The following RECK variants were observed in gnomAD, a reference collection of about 807,000 sequenced individuals.
RECK encodes the protein reversion-inducing cysteine-rich protein with Kazal motifs.
Under a neutral mutation model 115.1 loss-of-function variants are expected in RECK, and 69 were observed. The ratio of observed to expected loss-of-function variants is 0.60; its 90% CI spans 0.49 to 0.73. RECK has a LOEUF of 0.73. Ranked by LOEUF, RECK falls within the 30% of genes least tolerant of loss-of-function variation. The pLI, the probability that RECK is intolerant of heterozygous loss-of-function variation, is 0.00. For missense variants in RECK, 1,047 were observed against 1,203.7 expected (o/e 0.87, Z 1.93); for synonymous variants, 414 against 419.7 (o/e 0.99, Z 0.17).
intron 1 of RECK, among the ~76,000 whole-genome samples, chr9:36,046,544 G>T (rs1175482684): frequency 6.6e-6 from 1 of 152,208 alleles, no homozygotes; most frequent in Non-Finnish European, 1.5e-5. Flanking sequence ...GAGGTCCCCT[G>T]TCCTGTTCGT....
intron 1 of RECK, among the ~76,000 whole-genome samples, chr9:36,040,793 A>G (rs1820838830): frequency 6.7e-6 from 1 of 148,698 alleles, no homozygotes; most frequent in African/African-American, 2.6e-5. Flanking sequence ...GGGAAGAAGG[A>G]ATTAAGGATT....
intron 7 of RECK, among the ~76,000 whole-genome samples, chr9:36,082,321 C>T (rs1248020263): frequency 6.6e-6 from 1 of 152,010 alleles, no homozygotes; most frequent in African/African-American, 2.4e-5. Flanking sequence ...GTAGTTGGGA[C>T]CACAGGCACA....
chr9:36,061,844 G>A (rs904655766), intron 4 of RECK, among the ~76,000 whole-genome samples: 1 of 152,138 alleles, frequency 6.6e-6, no homozygotes, highest in East Asian at 1.9e-4. Flanking sequence ...TATAATTGGG[G>A]TAGTTTATTA....
intron 16 of RECK, among the ~76,000 whole-genome samples, chr9:36,113,201 A>G (rs1824130950): frequency 6.6e-6 from 1 of 152,230 alleles, no homozygotes; most frequent in South Asian, 2.1e-4. Flanking sequence ...CTTAGGTTAC[A>G]GCCTTCTGGA....
At chr9:36,120,998 G>A (rs1026676253) in intron 19 of RECK, among the ~76,000 whole-genome samples, 19 of 152,212 alleles carry the variant, frequency 1.2e-4, no homozygotes, top group Non-Finnish European at 2.6e-4. Flanking sequence ...AAAGGCCCCT[G>A]CTGGCACAGT....
intron 9 of RECK, 70 bp downstream of exon 9, chr9:36,088,031 C>G (rs1823031743): frequency 8.7e-7 from 1 of 1,155,948 alleles, no homozygotes; most frequent in Non-Finnish European, 1.3e-6. Context: ...TTAAGCCTAG[C>G]AAACGTGTGT....
chr9:36,117,210 C>T (rs778073089), intron 17 of RECK, 33 bp downstream of exon 17: 2 of 1,528,872 alleles, frequency 1.3e-6, no homozygotes, highest in South Asian at 2.4e-5. Context: ...ACAAAGTACA[C>T]TACGGATAAA....
Position 36,100,400 on chromosome 9 carries a change from G to A in RECK, c.1155G>A (p.Trp385Ter), listed in dbSNP as rs1823515884. The change falls in exon 11 of 21, where the codon TGG (tryptophan) becomes TGA (stop). Residue 385 changes from tryptophan (W) to a stop codon, truncating the protein, a stop_gained. Coordinates refer to ENST00000377966, the MANE Select transcript of RECK (RefSeq NM_021111.3). LOFTEE classifies it high-confidence loss of function. The stretch of plus-strand genomic sequence containing the variant: ...GAGCCATGAATGACATGAAGTTGTG[G>A]GAGAAAGGAAGCATAAAGATGCCAT... ...DQGAMNDMKL[W>*]EKGSIKMPFI... is the part of the protein sequence containing the mutation. 6.2e-7 allele frequency: 1 copy of A among 1,614,114 alleles called. No homozygotes were observed. The highest frequency in any genetic ancestry group is 1.6e-4 in the Middle Eastern group (1 of 6,062).
In RECK at chr9:36,112,320, G is replaced by T. The variant is rs879046682; in HGVS notation, c.1904G>T (p.Cys635Phe). The stretch of plus-strand genomic sequence containing the variant: ...CTCTCCTCAGGTCTGCCCTGTAACT[G>T]TGCAGATCAGTTTGTCCCTGTATGT... Reference protein sequence around the residue: ...RRTFTGLPCNCADQFVPVCGQ... With the variant: ...RRTFTGLPCNFADQFVPVCGQ... Residue 635 changes from cysteine (C) to phenylalanine (F), a missense_variant, in exon 16 of 21, where the codon TGT becomes TTT. Transcript: ENST00000377966. 6.2e-7 allele frequency: 1 copy of T among 1,613,196 alleles called. No individual in the cohort carries two copies. Among genetic ancestry groups the T allele is most frequent in the South Asian group, 1.1e-5 (1 of 91,016 alleles).
chr9:36,055,488 T>C (rs978123312), intron 2 of RECK, among the ~76,000 whole-genome samples: 4 of 152,190 alleles, frequency 2.6e-5, no homozygotes, highest in Non-Finnish European at 5.9e-5. Flanking sequence ...ACTATACCCC[T>C]TTACATGCAT....
intron 6 of RECK, among the ~76,000 whole-genome samples, chr9:36,073,121 AC>A (rs1281323125): frequency 6.6e-6 from 1 of 151,746 alleles, no homozygotes; most frequent in Non-Finnish European, 1.5e-5. Flanking sequence ...AAACAATCAA[AC>A]CAAAATTGAT....
At chr9:36,091,488 G>T in intron 10 of RECK, 145 bp downstream of exon 10, 1 of 616,348 alleles carries the variant, frequency 1.6e-6, no homozygotes, top group South Asian at 3.4e-5. Flanking sequence ...TATTCCATCT[G>T]GTAAGCCACC....
At chr9:36,052,234 A>G (rs948988747) in intron 1 of RECK, 31 bp from the exon 2 acceptor site, 6 of 1,425,836 alleles carry the variant, frequency 4.2e-6, no homozygotes, top group Non-Finnish European at 5.9e-6. Context: ...TAACAGTGGA[A>G]CAACATTTGA....
At chr9:36,115,963 C>T (rs1484483508) in intron 16 of RECK, among the ~76,000 whole-genome samples, 1 of 152,212 alleles carries the variant, frequency 6.6e-6, no homozygotes, top group South Asian at 2.1e-4. Flanking sequence ...TCCCTAGCCC[C>T]TCTGAAGGAG....
chr9:36,107,464 G>A lies in RECK; in HGVS notation c.1577-512G>A, dbSNP rs574342756. ...TTAGCCGGGTACAAAAATTAGCTGG[G>A]TGTGGTGGCACACGCCTGTAGTCCC... On this transcript the variant is annotated intron_variant, in intron 13 of 20. Transcript: ENST00000377966. 4.6e-4 allele frequency among the ~76,000 whole-genome samples: 70 copies of A among 151,996 alleles called. 2 individuals are homozygous for A. The South Asian group carries it at 0.013, about 28-fold the overall frequency.
intron 9 of RECK, among the ~76,000 whole-genome samples, 168 bp downstream of exon 9, chr9:36,088,129 A>G (rs61240705): frequency 0.025 from 3,868 of 152,320 alleles, 170 homozygotes; most frequent in African/African-American, 0.087. Flanking sequence ...TGTGTACCGT[A>G]TACAAAACAT....
intron 6 of RECK, among the ~76,000 whole-genome samples, chr9:36,074,182 C>T (rs4144607): frequency 0.55 from 83,233 of 151,996 alleles, 23,150 homozygotes; most frequent in East Asian, 0.79. Flanking sequence ...TCACTACTTC[C>T]AAGCCCTTTG....
chr9:36,105,825 T>C (rs564558381), intron 13 of RECK, among the ~76,000 whole-genome samples: 34 of 152,216 alleles, frequency 2.2e-4, no homozygotes, highest in Admixed American at 4.6e-4. Context: ...GTCTTTATCT[T>C]TCTGTCAATC....
At position 36,041,161 on chromosome 9, in the gene RECK, C is replaced by T. The variant is rs773947701; in HGVS notation, c.100+4063C>T. On this transcript the variant is annotated intron_variant, in intron 1 of 20. Coordinates refer to ENST00000377966, the MANE Select transcript of RECK (RefSeq NM_021111.3). Reference sequence around the variant, plus strand: ...TTCACCCCAAAATGTATAATACCTACATGGCTAATATTATGTGGTTATATT... The same window carrying T: ...TTCACCCCAAAATGTATAATACCTATATGGCTAATATTATGTGGTTATATT... 1.4e-4 allele frequency among the ~76,000 whole-genome samples: 21 copies of T among 152,246 alleles called. No individual in the cohort carries two copies. In the South Asian group the frequency reaches 2.3e-3, roughly 17 times the overall value.
Sources: allele counts gnomAD v4.1 joint callset (sites outside exome capture counted in the v4.1 genomes callset), GRCh38; gene constraint gnomAD v4.1.1; transcripts MANE v1.5; gene names NCBI Gene and HGNC (gene_info 2026-07-23, HGNC 2026-07-21).